Variants in FGF10 observed in about 807,000 individuals in gnomAD.
FGF10 encodes the protein FGF-10.
FGF10 carries 2 observed loss-of-function variants against 19.8 expected under a neutral mutation model. The ratio of observed to expected loss-of-function variants is 0.10; its 90% CI spans 0.04 to 0.32. The LOEUF (loss-of-function observed/expected upper bound fraction) is 0.32. Among genes scored for constraint, FGF10 ranks in the 10% least tolerant of loss-of-function variants. The probability of loss-of-function intolerance (pLI) is 1.00; values close to 1 mark genes in which losing one functional copy is unlikely to be tolerated. For synonymous variants in FGF10, 112 were observed against 94.0 expected, an observed-to-expected ratio of 1.19 and a Z score of -1.10; for missense variants, 191 against 246.3, an observed-to-expected ratio of 0.78 and a Z score of 1.50.
chr5:44,340,132 T>C (rs558177738), intron 1 of FGF10, among the ~76,000 whole-genome samples: 1 of 152,044 alleles, frequency 6.6e-6, no homozygotes, highest in African/African-American at 2.4e-5. Flanking sequence ...TAAGGAGAAA[T>C]GGAGTTAAAG....
At chr5:44,346,496 C>A (rs1489418041) in intron 1 of FGF10, among the ~76,000 whole-genome samples, 1 of 151,790 alleles carries the variant, frequency 6.6e-6, no homozygotes, top group African/African-American at 2.4e-5. Flanking sequence ...TGACCAGGAT[C>A]TACTTTCCAA....
At chr5:44,388,257 G>C in intron 1 of FGF10, 101 bp downstream of exon 1, 5 of 1,064,780 alleles carry the variant, frequency 4.7e-6, no homozygotes, top group Non-Finnish European at 7.3e-6. Flanking sequence ...AGGGGTTGGG[G>C]ACGTAAATAT....
chr5:44,312,042 A>G (rs910893401), intron 1 of FGF10, among the ~76,000 whole-genome samples: 2 of 152,068 alleles, frequency 1.3e-5, no homozygotes, highest in Non-Finnish European at 2.9e-5. Flanking sequence ...ATCTGTAGGA[A>G]GTCTCTGACC....
intron 1 of FGF10, among the ~76,000 whole-genome samples, chr5:44,359,090 A>G (rs1026267535): frequency 2.0e-5 from 3 of 151,584 alleles, no homozygotes; most frequent in Admixed American, 6.6e-5. Flanking sequence ...TACCCCAATG[A>G]GAGCCTCCTA....
At chr5:44,335,750 A>G (rs1740834096) in intron 1 of FGF10, among the ~76,000 whole-genome samples, 1 of 152,062 alleles carries the variant, frequency 6.6e-6, no homozygotes, top group East Asian at 1.9e-4. Context: ...ACAGATTGGG[A>G]AAGTACATAT....
At chr5:44,376,135 C>A (rs2111899177) in intron 1 of FGF10, among the ~76,000 whole-genome samples, 1 of 152,108 alleles carries the variant, frequency 6.6e-6, no homozygotes, top group African/African-American at 2.4e-5. Context: ...TTTAATACAA[C>A]TTTACATTTA....
Position 44,300,295 on chromosome 5 carries a change from A to G in FGF10, c.*4700T>C, listed in dbSNP as rs1019995759. Among the ~76,000 whole-genome samples, 1 of 152,038 alleles carries G rather than the reference A, an allele frequency of 6.6e-6. No homozygotes were observed. Among genetic ancestry groups the G allele is most frequent in the Admixed American group, 6.6e-5 (1 of 15,230 alleles). The stretch of plus-strand genomic sequence containing the variant: ...TTACACTTAAACAATGAATGACATC[A>G]GGGTTTCAGATTTTTTCTATATGTC... On this transcript the variant is annotated 3_prime_UTR_variant, in exon 3 of 3. Coordinates refer to ENST00000264664, the MANE Select transcript of FGF10 (RefSeq NM_004465.2).
intron 1 of FGF10, among the ~76,000 whole-genome samples, chr5:44,381,846 T>A (rs1741991133): frequency 6.6e-6 from 1 of 152,176 alleles, no homozygotes; most frequent in Non-Finnish European, 1.5e-5. Context: ...CCCACCCTAT[T>A]CAGAATTAGG....
intron 1 of FGF10, among the ~76,000 whole-genome samples, chr5:44,380,382 T>C (rs975689747): frequency 2.6e-5 from 4 of 152,228 alleles, no homozygotes; most frequent in African/African-American, 9.6e-5. Flanking sequence ...TTCTTAGAAG[T>C]ATATGAAAAC....
rs1740775457 is a variant in FGF10, at chr5:44,333,166, T to A, written c.326-22636A>T. On this transcript the variant is annotated intron_variant, in intron 1 of 2. Coordinates refer to ENST00000264664, the MANE Select transcript of FGF10 (RefSeq NM_004465.2). ...AAGATTTTACAATTCTATAATTATG[T>A]AAACATACATATTAAAATCAGTCTA... Among the ~76,000 whole-genome samples, 3 of 152,168 alleles carry A rather than the reference T, an allele frequency of 2.0e-5. No homozygotes were observed. In the South Asian group the frequency reaches 6.2e-4, roughly 32 times the overall value.
chr5:44,359,482 T>C (rs1430842938), intron 1 of FGF10, among the ~76,000 whole-genome samples: 6 of 151,486 alleles, frequency 4.0e-5, no homozygotes, highest in Non-Finnish European at 7.4e-5. Context: ...TAGATAAATC[T>C]TTTCTAGACC....
At chr5:44,329,352 T>C (rs1740681371) in intron 1 of FGF10, among the ~76,000 whole-genome samples, 1 of 152,112 alleles carries the variant, frequency 6.6e-6, no homozygotes, top group South Asian at 2.1e-4. Flanking sequence ...AATTTTTGTA[T>C]TTTTAGTAGA....
At chr5:44,375,587 T>C (rs1741834697) in intron 1 of FGF10, among the ~76,000 whole-genome samples, 1 of 152,090 alleles carries the variant, frequency 6.6e-6, no homozygotes, top group South Asian at 2.1e-4. Flanking sequence ...TGAAGGAATA[T>C]AGAGATTACA....
At chr5:44,359,615 C>A (rs556537380) in intron 1 of FGF10, among the ~76,000 whole-genome samples, 1 of 151,404 alleles carries the variant, frequency 6.6e-6, no homozygotes, top group Non-Finnish European at 1.5e-5. Context: ...GTCTCAAAAT[C>A]TTATTTTTCC....
At chr5:44,359,947 T>C (rs539906916) in intron 1 of FGF10, among the ~76,000 whole-genome samples, 2 of 151,614 alleles carry the variant, frequency 1.3e-5, no homozygotes, top group Admixed American at 6.6e-5. Context: ...GTTAGTCCTG[T>C]GATTGTTTAG....
At position 44,302,613 on chromosome 5, in the gene FGF10, CCA is replaced by C. The variant is rs1739990939; in HGVS notation, c.*2380_*2381del. On this transcript the variant is annotated 3_prime_UTR_variant, in exon 3 of 3. Transcript: ENST00000264664. ...GAACTCCTGGACTCAAGCCATCTTC[CCA>C]CAGTCTCCCAAACTGCTGGGATTAC... Among the ~76,000 whole-genome samples the C allele has an allele frequency of 2.6e-5, 4 of 152,240 alleles. No individual in the cohort carries two copies. Among genetic ancestry groups the C allele is most frequent in the African/African-American group, 9.6e-5 (4 of 41,554 alleles).
chr5:44,302,188 T>C lies in FGF10; in HGVS notation c.*2807A>G, dbSNP rs1579887157. On this transcript the variant is annotated 3_prime_UTR_variant, in exon 3 of 3. Transcript: ENST00000264664. ...TCCATTTCAAGCAAATATGCCACTTTTAAATGCAAGAGAATGTCATTACTC... is the reference window on the plus strand; with the variant it reads ...TCCATTTCAAGCAAATATGCCACTTCTAAATGCAAGAGAATGTCATTACTC... Among the ~76,000 whole-genome samples the C allele has an allele frequency of 6.6e-6, 1 of 152,142 alleles. No individual in the cohort carries two copies. Among genetic ancestry groups the C allele is most frequent in the South Asian group, 2.1e-4 (1 of 4,802 alleles).
At chr5:44,381,493 C>A (rs1741981487) in intron 1 of FGF10, among the ~76,000 whole-genome samples, 1 of 150,954 alleles carries the variant, frequency 6.6e-6, no homozygotes, top group Non-Finnish European at 1.5e-5. Context: ...ACACACAAAA[C>A]CAAGAAGGTG....
intron 1 of FGF10, among the ~76,000 whole-genome samples, chr5:44,386,726 C>A (rs924470213): frequency 6.6e-6 from 1 of 151,976 alleles, no homozygotes; most frequent in Non-Finnish European, 1.5e-5. Flanking sequence ...TAAAATGAAA[C>A]ACTTTAAAAG....
Sources: allele counts gnomAD v4.1 joint callset (sites outside exome capture counted in the v4.1 genomes callset), GRCh38; gene constraint gnomAD v4.1.1; transcripts MANE v1.5; gene names NCBI Gene and HGNC (gene_info 2026-07-23, HGNC 2026-07-21).